ZNF69: variants seen among roughly 807,000 people sequenced by gnomAD.
ZNF69 encodes the protein ZNF3.
ZNF69 carries 47 observed loss-of-function variants against 50.9 expected under a neutral mutation model. The observed-to-expected ratio is 0.92, with a 90% CI of 0.73 to 1.18. The LOEUF (loss-of-function observed/expected upper bound fraction) is 1.18. Among genes scored for constraint, ZNF69 ranks in the 50% most tolerant of loss-of-function variants. The pLI, the probability that ZNF69 is intolerant of heterozygous loss-of-function variation, is 0.00. For missense variants in ZNF69, 717 were observed against 675.1 expected (o/e 1.06, Z -0.69); for synonymous variants, 216 against 223.1 (o/e 0.97, Z 0.29).
In ZNF69 at chr19:11,906,244, A is replaced by C. The variant is rs1464797469; in HGVS notation, c.*146A>C. 2 of 1,505,416 alleles carry C rather than the reference A, an allele frequency of 1.3e-6. No homozygotes were observed. Among genetic ancestry groups the C allele is most frequent in the Non-Finnish European group, 1.8e-6 (2 of 1,135,450 alleles). 93.3% of individuals were successfully genotyped at this position (1,505,416 alleles called of 1,614,324 possible). A position where few individuals can be genotyped will look rare whatever the true frequency, so the allele number is the denominator to read the frequency against. ...GTAAAGGACACAAGCACACATAAGA[A>C]TGCATTCTGGATAGCTGAACAAAAG... is the stretch of plus-strand genomic sequence containing the variant. On this transcript the variant is annotated 3_prime_UTR_variant, in exon 4 of 4. Coordinates refer to ENST00000429654, the MANE Select transcript of ZNF69 (RefSeq NM_001364730.1).
Position 11,904,658 on chromosome 19 carries a change from A to T in ZNF69, c.261A>T (p.Ile87=), listed in dbSNP as rs1738182301. The T allele has an allele frequency of 6.2e-7, 1 of 1,611,604 alleles. No individual in the cohort carries two copies. Among genetic ancestry groups the T allele is most frequent in the African/African-American group, 1.3e-5 (1 of 74,604 alleles). ...QNPRRNFRSL[I]EKKVNEIKDD... ...TTCTCATTTTTGACAGGAGTCTCAT[A>T]GAAAAGAAAGTCAATGAAATTAAAG... is the stretch of plus-strand genomic sequence containing the variant. The change falls in exon 4 of 4, where the codon ATA becomes ATT. Residue 87 remains isoleucine (I), a synonymous_variant. Coordinates refer to ENST00000429654, the MANE Select transcript of ZNF69 (RefSeq NM_001364730.1).
chr19:11,909,802 T>C (rs1396333693), downstream of ZNF69, among the ~76,000 whole-genome samples: 2 of 151,618 alleles, frequency 1.3e-5, no homozygotes, highest in African/African-American at 4.9e-5. Flanking sequence ...TTCAACATAG[T>C]GTTGGAAGTT....
the ZNF69 span, among the ~76,000 whole-genome samples, chr19:11,967,465 C>T: frequency 1.7e-3 from 261 of 152,034 alleles, 2 homozygotes; most frequent in African/African-American, 5.8e-3. Flanking sequence ...AGTGCAGTGG[C>T]GCGATCTCGG....
the ZNF69 span, chr19:11,980,163 T>A: frequency 3.1e-6 from 2 of 653,398 alleles, no homozygotes; most frequent in South Asian, 1.7e-5. Context: ...GTGAATCACC[T>A]GAGGTCAGGA....
At chr19:11,974,869 C>T in the ZNF69 span, among the ~76,000 whole-genome samples, 1 of 152,162 alleles carries the variant, frequency 6.6e-6, no homozygotes. Context: ...TTGCAAGGTG[C>T]TGGGATTACA....
At chr19:11,949,663 T>A in the ZNF69 span, 3 of 1,612,916 alleles carry the variant, frequency 1.9e-6, no homozygotes, top group East Asian at 6.7e-5. Flanking sequence ...AGCCTTCAGA[T>A]GTTGCAATTC....
downstream of ZNF69, among the ~76,000 whole-genome samples, chr19:11,909,539 A>G (rs1196250681): frequency 1.3e-5 from 2 of 152,242 alleles, no homozygotes; most frequent in Non-Finnish European, 2.9e-5. Flanking sequence ...AACGTAATCC[A>G]TCATATAAAC....
At chr19:11,970,195 CAG>C in the ZNF69 span, among the ~76,000 whole-genome samples, 4 of 152,190 alleles carry the variant, frequency 2.6e-5, no homozygotes, top group Admixed American at 6.5e-5. Flanking sequence ...TGAGGAAAAA[CAG>C]AGATGATTCC....
chr19:11,897,153 G>A (rs1972140057), intron 1 of ZNF69, among the ~76,000 whole-genome samples: 1 of 152,056 alleles, frequency 6.6e-6, no homozygotes, highest in South Asian at 2.1e-4. Context: ...TTCAAGACCA[G>A]CCTGATGAAC....
chr19:11,926,868 G>A, the ZNF69 span, among the ~76,000 whole-genome samples: 29,473 of 152,032 alleles, frequency 0.19, 6,413 homozygotes, highest in African/African-American at 0.54. Flanking sequence ...TCAAGCGGAA[G>A]GATAGCAGTG....
intron 3 of ZNF69, 49 bp downstream of exon 3, chr19:11,904,014 A>G: frequency 1.9e-6 from 3 of 1,553,022 alleles, no homozygotes; most frequent in Non-Finnish European, 2.6e-6. Context: ...ACAATCTTAG[A>G]ATATGACAAT....
the ZNF69 span, among the ~76,000 whole-genome samples, chr19:11,919,720 ACT>A: frequency 6.6e-6 from 1 of 151,984 alleles, no homozygotes; most frequent in Non-Finnish European, 1.5e-5. Flanking sequence ...GAGAGAGAGA[ACT>A]CTGTCTCTCC....
chr19:11,910,400 T>C (rs1599363270), downstream of ZNF69, among the ~76,000 whole-genome samples: 1 of 152,162 alleles, frequency 6.6e-6, no homozygotes, highest in African/African-American at 2.4e-5. Context: ...CTCAAGGCAT[T>C]AGGCTACCTG....
At chr19:11,976,896 A>G in the ZNF69 span, 1 of 1,518,050 alleles carries the variant, frequency 6.6e-7, no homozygotes. Context: ...TATGGAAGAA[A>G]GTACAGAAAG....
the ZNF69 span, chr19:11,947,366 G>T: frequency 6.2e-7 from 1 of 1,609,988 alleles, no homozygotes; most frequent in South Asian, 1.1e-5. Flanking sequence ...TCTAGCTCAT[G>T]AATGCTGTTG....
chr19:11,890,898 C>G (rs1284480642), intron 1 of ZNF69, among the ~76,000 whole-genome samples: 1 of 151,932 alleles, frequency 6.6e-6, no homozygotes, highest in Admixed American at 6.6e-5. Context: ...CGAAATAATT[C>G]AAAGGTTCAG....
the ZNF69 span, among the ~76,000 whole-genome samples, chr19:11,956,234 T>C: frequency 3.9e-5 from 6 of 152,188 alleles, no homozygotes; most frequent in Admixed American, 1.3e-4. Context: ...ATCAAAAGGA[T>C]CCTACCTCTG....
the ZNF69 span, among the ~76,000 whole-genome samples, chr19:11,929,992 GAGTTTT>G: frequency 6.8e-6 from 1 of 148,042 alleles, no homozygotes; most frequent in Non-Finnish European, 1.5e-5. Context: ...TCCAGATTTT[GAGTTTT>G]AGAACTGCCT....
chr19:11,920,013 G>A, the ZNF69 span, among the ~76,000 whole-genome samples: 1 of 151,884 alleles, frequency 6.6e-6, no homozygotes, highest in Non-Finnish European at 1.5e-5. Context: ...TTTCCTCTTG[G>A]ACCCATTGTG....
Sources: allele counts gnomAD v4.1 joint callset (sites outside exome capture counted in the v4.1 genomes callset), GRCh38; gene constraint gnomAD v4.1.1; transcripts MANE v1.5; gene names NCBI Gene and HGNC (gene_info 2026-07-23, HGNC 2026-07-21).